Variants in NOS1 observed in about 807,000 individuals in gnomAD.
The protein encoded by NOS1 is nitric oxide synthase 1.
A neutral mutation model predicts 164.5 loss-of-function variants in NOS1; 51 were observed. That is an observed-to-expected ratio of 0.31 (90% CI 0.25 to 0.39). NOS1 has a LOEUF of 0.39. Ranked by LOEUF, NOS1 falls within the 10% of genes least tolerant of loss-of-function variation. NOS1 has a pLI of 1.00. For synonymous variants in NOS1, 719 were observed against 745.8 expected (o/e 0.96, Z 0.59); for missense variants, 1,362 against 1,885.6 (o/e 0.72, Z 5.14).
chr12:117,361,139 C>G (rs1198080512), intron 1 of NOS1, among the ~76,000 whole-genome samples: 1 of 152,006 alleles, frequency 6.6e-6, no homozygotes, highest in East Asian at 1.9e-4. Flanking sequence ...GACGCCGAGC[C>G]GGGCAGCGCC....
chr12:117,264,216 C>G (rs75321421), intron 12 of NOS1, among the ~76,000 whole-genome samples: 3,852 of 152,080 alleles, frequency 0.025, 158 homozygotes, highest in African/African-American at 0.086. Context: ...CCCTTGGCCC[C>G]CAGTCCCTCT....
Position 117,330,561 on chromosome 12 carries a change from C to G in NOS1, c.509G>C (p.Gly170Ala), listed in dbSNP as rs1420398572. 1.2e-6 allele frequency: 2 copies of G among 1,613,244 alleles called. No individual in the cohort carries two copies. Among genetic ancestry groups the G allele is most frequent in the Non-Finnish European group, 1.7e-6 (2 of 1,179,872 alleles). Residue 170 changes from glycine (G) to alanine (A), a missense_variant, in exon 2 of 29, where the codon GGC (glycine) becomes GCC (alanine). This residue lies in a region of NOS1 where 362 missense variants were observed against 402.0 expected (regional missense o/e 0.90). Coordinates refer to ENST00000317775, the MANE Select transcript of NOS1 (RefSeq NM_000620.5). This position sits in a 1 kb window ranked among gnomAD's most constrained non-coding sequence, Gnocchi z 4.6. Reference sequence around the variant, plus strand: ...CAGGCCGTTGGCATGGGGGAGTGAGCCAGCCTCCTGCCCATCATCGTAGGC... The same window carrying G: ...CAGGCCGTTGGCATGGGGGAGTGAGGCAGCCTCCTGCCCATCATCGTAGGC... The part of the protein sequence containing the change: ...QHAYDDGQEA[G>A]SLPHANGLAP...
chr12:117,345,474 CT>C (rs1360220313), intron 1 of NOS1, among the ~76,000 whole-genome samples: 1 of 152,122 alleles, frequency 6.6e-6, no homozygotes, highest in African/African-American at 2.4e-5. Context: ...GAAGATACCA[CT>C]ACAAGTGAGA....
chr12:117,208,490 G>C lies in NOS1; in HGVS notation c.*6819C>G. The C allele has an allele frequency of 7.9e-7, 1 of 1,258,966 alleles. No homozygotes were observed. The highest frequency in any genetic ancestry group is 1.3e-5 in the South Asian group (1 of 76,976). 78.0% of individuals were successfully genotyped at this position (1,258,966 alleles called of 1,614,324 possible). On this transcript the variant is annotated 3_prime_UTR_variant, in exon 29 of 29. Transcript: ENST00000317775. ...CCCGGAACGGACACTGCGACGTGGG[G>C]TGCCCGGCACCGCTCTTTGGGCCTT...
In NOS1 at chr12:117,265,303, G is replaced by A. The variant is rs1031887736; in HGVS notation, c.2136+13C>T. On this transcript the variant is annotated intron_variant, in intron 12 of 28. Coordinates refer to ENST00000317775, the MANE Select transcript of NOS1 (RefSeq NM_000620.5). ...GACACTTAATATGAAAAGAGGCAGG[G>A]ACAGGGAAGGACCTGGTATTCGAAG... 1.1e-5 allele frequency: 17 copies of A among 1,524,200 alleles called. No homozygotes were observed. The highest frequency in any genetic ancestry group is 1.4e-5 in the Non-Finnish European group (16 of 1,130,194). 94.4% of individuals were successfully genotyped at this position (1,524,200 alleles called of 1,614,324 possible).
chr12:117,293,675 TTAC>T (rs1361235729), intron 3 of NOS1, among the ~76,000 whole-genome samples: 1 of 151,256 alleles, frequency 6.6e-6, no homozygotes, highest in Non-Finnish European at 1.5e-5. Flanking sequence ...TGTATTATTA[TTAC>T]TACTTGTATT....
At chr12:117,291,337 C>T (rs1873040372) in intron 3 of NOS1, among the ~76,000 whole-genome samples, 1 of 152,106 alleles carries the variant, frequency 6.6e-6, no homozygotes, top group Non-Finnish European at 1.5e-5. Flanking sequence ...AGGGCCTTTG[C>T]ACTTACCGTC....
intron 10 of NOS1, among the ~76,000 whole-genome samples, 175 bp from the exon 11 acceptor site, chr12:117,268,319 C>T (rs544589023): frequency 6.6e-6 from 1 of 152,154 alleles, no homozygotes; most frequent in African/African-American, 2.4e-5. Flanking sequence ...CAACCTCTGC[C>T]TCCTGCATTC....
Position 117,212,732 on chromosome 12 carries a change from C to T in NOS1, c.*2577G>A, listed in dbSNP as rs1483353153. ...TGCTTAATTCTATTTTGCACTTAAA[C>T]GGTTGGCTACGAGGCCTGGATGAAA... On this transcript the variant is annotated 3_prime_UTR_variant, in exon 29 of 29. Coordinates refer to ENST00000317775, the MANE Select transcript of NOS1 (RefSeq NM_000620.5). 5 of 985,442 alleles carry T rather than the reference C, an allele frequency of 5.1e-6. No homozygotes were observed. The highest frequency in any genetic ancestry group is 1.1e-4 in the East Asian group (1 of 8,820). The allele number at this position is 985,442 out of a possible 1,614,324, so 61.0% of individuals were successfully genotyped here.
intron 2 of NOS1, among the ~76,000 whole-genome samples, chr12:117,322,545 T>C: frequency 9.0e-6 from 1 of 111,370 alleles, no homozygotes; most frequent in African/African-American, 3.4e-5. Flanking sequence ...CTCTCCTTCT[T>C]TCCTTCCTTC....
At chr12:117,232,767 T>G (rs1323347772) in intron 21 of NOS1, among the ~76,000 whole-genome samples, 1 of 152,194 alleles carries the variant, frequency 6.6e-6, no homozygotes, top group Admixed American at 6.5e-5. Flanking sequence ...AATACGTCCC[T>G]AAATATAAGC....
At chr12:117,262,392 G>A (rs192371765) in intron 13 of NOS1, among the ~76,000 whole-genome samples, 1 of 139,674 alleles carries the variant, frequency 7.2e-6, no homozygotes, top group East Asian at 2.5e-4. Flanking sequence ...TGGGGGATGG[G>A]ATTAGGGTGG....
intron 17 of NOS1, among the ~76,000 whole-genome samples, chr12:117,249,688 C>G (rs1237305980): frequency 6.6e-6 from 1 of 152,048 alleles, no homozygotes; most frequent in Non-Finnish European, 1.5e-5. Flanking sequence ...ATAGACGCCA[C>G]CAAGAAAATA....
rs397851004 is a variant in NOS1, at chr12:117,283,036, T to TTATA, written c.1383-2174_1383-2171dup. ...CTATGCACAGATTATTCCTATAACA[T>TTATA]TATATATATATATATATATATTTTT... On this transcript the variant is annotated intron_variant, in intron 7 of 28. Coordinates refer to ENST00000317775, the MANE Select transcript of NOS1 (RefSeq NM_000620.5). 2.7e-3 allele frequency among the ~76,000 whole-genome samples: 336 copies of TTATA among 125,410 alleles called. 1 individual carries two copies. The highest frequency in any genetic ancestry group is 8.2e-3 in the African/African-American group (263 of 32,156). The allele number at this position is 125,410 out of a possible 152,430, so 82.3% of individuals were successfully genotyped here.
rs57100884 is a variant in NOS1 at position 117,285,531 on chromosome 12, G to GA, written c.1291-200dup. On this transcript the variant is annotated intron_variant, in intron 6 of 28. Coordinates refer to ENST00000317775, the MANE Select transcript of NOS1 (RefSeq NM_000620.5). ...CTAATAACCAAGGCCAATTTGACCA[G>GA]AAAAAAAAAAAAAATCGCCTAAAAG... Among the ~76,000 whole-genome samples, 1,311 of 142,178 alleles carry GA rather than the reference G, an allele frequency of 9.2e-3. 11 individuals carry two copies. The highest frequency in any genetic ancestry group is 0.041 in the East Asian group (197 of 4,834). The allele number at this position is 142,178 out of a possible 152,430, so 93.3% of individuals were successfully genotyped here.
chr12:117,270,232 T>C (rs939561223), intron 10 of NOS1, among the ~76,000 whole-genome samples: 2 of 152,156 alleles, frequency 1.3e-5, no homozygotes, highest in Non-Finnish European at 1.5e-5. Flanking sequence ...CCAGGTCTCA[T>C]TATGGGGCTA....
At position 117,234,053 on chromosome 12, in the gene NOS1, G is replaced by A. The variant is rs1869495594; in HGVS notation, c.3235+512C>T. Among the ~76,000 whole-genome samples the A allele has an allele frequency of 6.6e-6, 1 of 152,160 alleles. No individual in the cohort carries two copies. On this transcript the variant is annotated intron_variant, in intron 21 of 28. Transcript: ENST00000317775. This position sits in a 1 kb window ranked among gnomAD's most constrained non-coding sequence, Gnocchi z 4.3. ...CACTGAGACCCATTTGCCTTTGAAA[G>A]TTCTTCAATATGAATGTCAAGGATG...
rs1956548998 is a variant in NOS1, at chr12:117,212,816, CCA to C, written c.*2491_*2492del. ...TGATCTGAGCCTAACAATCTGGACT[CCA>C]CTCTGGTCCTTGAGAGGTTACTCAA... On this transcript the variant is annotated 3_prime_UTR_variant, in exon 29 of 29. Coordinates refer to ENST00000317775, the MANE Select transcript of NOS1 (RefSeq NM_000620.5). The C allele has an allele frequency of 1.0e-6, 1 of 985,310 alleles. No individual in the cohort carries two copies. Among genetic ancestry groups the C allele is most frequent in the Non-Finnish European group, 1.2e-6 (1 of 829,942 alleles). The allele number at this position is 985,310 out of a possible 1,614,324, so 61.0% of individuals were successfully genotyped here.
At chr12:117,268,370 A>G (rs932677245) in intron 10 of NOS1, among the ~76,000 whole-genome samples, 14 of 151,804 alleles carry the variant, frequency 9.2e-5, no homozygotes, top group African/African-American at 3.4e-4. Flanking sequence ...AGCTGGGACT[A>G]CAGGCTTCTG....
Sources: allele counts gnomAD v4.1 joint callset (sites outside exome capture counted in the v4.1 genomes callset), GRCh38; gene constraint gnomAD v4.1.1; regional missense constraint gnomAD v4.1.1; non-coding constraint Gnocchi (gnomAD v3.1); transcripts MANE v1.5; gene names NCBI Gene and HGNC (gene_info 2026-07-23, HGNC 2026-07-21).